ELOVL7: variants seen among roughly 807,000 people sequenced by gnomAD.
ELOVL7 encodes the protein ELOVL fatty acid elongase 7, also known as very long chain fatty acid elongase 7.
ELOVL7 carries 27 observed loss-of-function variants against 35.7 expected under a neutral mutation model. The ratio of observed to expected loss-of-function variants is 0.76; its 90% CI spans 0.56 to 1.04. The LOEUF (loss-of-function observed/expected upper bound fraction) is 1.04. Ranked by LOEUF, ELOVL7 falls within the 50% of genes least tolerant of loss-of-function variation. The pLI, the probability that ELOVL7 is intolerant of heterozygous loss-of-function variation, is 0.00. For synonymous variants in ELOVL7, 113 were observed against 114.6 expected, an observed-to-expected ratio of 0.99 and a Z score of 0.09; for missense variants, 327 against 340.8, an observed-to-expected ratio of 0.96 and a Z score of 0.32.
chr5:60,754,806 T>G lies in ELOVL7; in HGVS notation c.664A>C (p.Ile222Leu), dbSNP rs770769866. ...TCCTCCATGAAAAAGAACTGGCTTA[T>G]GTGGATGGCGACAATAACAAACTGG... ...LVQFVIVAIH[I>L]SQFFFMEDCK... Residue 222 changes from isoleucine (I) to leucine (L), a missense_variant, in exon 9 of 9, where the codon ATA (isoleucine) becomes CTA (leucine). Coordinates refer to ENST00000508821, the MANE Select transcript of ELOVL7 (RefSeq NM_024930.3). 1.2e-6 allele frequency: 2 copies of G among 1,614,016 alleles called. No homozygotes were observed. The highest frequency in any genetic ancestry group is 1.7e-5 in the Admixed American group (1 of 59,996).
rs191790491 is a variant in ELOVL7, at chr5:60,759,293, C to T, written c.500-1648G>A. On this transcript the variant is annotated intron_variant, in intron 7 of 8. Coordinates refer to ENST00000508821, the MANE Select transcript of ELOVL7 (RefSeq NM_024930.3). ...GTCAGAAGGAACTGAATTAATTAAG[C>T]GTATTAACAACTTTCCAGCTTGTAT... 6.6e-5 allele frequency among the ~76,000 whole-genome samples: 10 copies of T among 152,236 alleles called. No homozygotes were observed. The South Asian group carries it at 1.7e-3, about 25-fold the overall frequency.
At chr5:60,797,112 A>C (rs1282878929) in intron 2 of ELOVL7, among the ~76,000 whole-genome samples, 1 of 152,220 alleles carries the variant, frequency 6.6e-6, no homozygotes, top group African/African-American at 2.4e-5. Flanking sequence ...AAAGGAAGCA[A>C]ACCTAGAATG....
chr5:60,815,846 A>G (rs1416028226), intron 1 of ELOVL7, among the ~76,000 whole-genome samples: 1 of 152,340 alleles, frequency 6.6e-6, no homozygotes, highest in East Asian at 1.9e-4. Flanking sequence ...CCAAGATGGA[A>G]TAGTAGAGTT....
chr5:60,795,650 G>C (rs1290811140), intron 2 of ELOVL7, among the ~76,000 whole-genome samples: 1 of 152,174 alleles, frequency 6.6e-6, no homozygotes, highest in African/African-American at 2.4e-5. Flanking sequence ...TCGGAGACTC[G>C]CCACTGACTT....
chr5:60,784,670 A>G (rs1743461827), intron 3 of ELOVL7, among the ~76,000 whole-genome samples: 2 of 152,184 alleles, frequency 1.3e-5, no homozygotes, highest in Admixed American at 1.3e-4. Flanking sequence ...AAGTTCAGAC[A>G]TTTCCAGGGT....
intron 1 of ELOVL7, among the ~76,000 whole-genome samples, chr5:60,812,238 TTAAA>T (rs1745277443): frequency 6.6e-6 from 1 of 151,750 alleles, no homozygotes; most frequent in South Asian, 2.1e-4. Flanking sequence ...AATAAATTAA[TTAAA>T]TAAAGAAAAG....
chr5:60,757,216 T>C (rs1040701869), intron 8 of ELOVL7, among the ~76,000 whole-genome samples: 19 of 152,112 alleles, frequency 1.2e-4, no homozygotes, highest in African/African-American at 4.3e-4. Flanking sequence ...ATTATGCCTA[T>C]TGAGGGTCAC....
At chr5:60,830,370 T>TTCCCCCTTCCCAATTCCAAA (rs1163219318) in intron 1 of ELOVL7, among the ~76,000 whole-genome samples, 1 of 152,094 alleles carries the variant, frequency 6.6e-6, no homozygotes, top group East Asian at 1.9e-4. Context: ...TAATAGTAAC[T>TTCCCCCTTCCCAATTCCAAA]GGGGCAGAGG....
Position 60,754,211 on chromosome 5 carries a change from C to T in ELOVL7, c.*413G>A, listed in dbSNP as rs1291565909. On this transcript the variant is annotated 3_prime_UTR_variant, in exon 9 of 9. Transcript: ENST00000508821. Reference sequence around the variant, plus strand: ...CCAGGGCCTACAGGTGGTTTCCAGACTTTCCAGACCCAGCAGAAGGAATCT... The same window carrying T: ...CCAGGGCCTACAGGTGGTTTCCAGATTTTCCAGACCCAGCAGAAGGAATCT... 1.2e-5 allele frequency: 2 copies of T among 171,328 alleles called. No individual in the cohort carries two copies. Among genetic ancestry groups the T allele is most frequent in the African/African-American group, 4.8e-5 (2 of 41,776 alleles). The allele number at this position is 171,328 out of a possible 1,614,324, so 10.6% of individuals were successfully genotyped here.
At chr5:60,822,416 T>C (rs957685419) in intron 1 of ELOVL7, among the ~76,000 whole-genome samples, 1 of 152,204 alleles carries the variant, frequency 6.6e-6, no homozygotes, top group African/African-American at 2.4e-5. Flanking sequence ...GCAAATCAGC[T>C]ATGCAAAGGA....
intron 1 of ELOVL7, among the ~76,000 whole-genome samples, chr5:60,808,045 T>C (rs1349233304): frequency 7.1e-6 from 1 of 141,386 alleles, no homozygotes; most frequent in African/African-American, 2.6e-5. Context: ...TGGGAGACTG[T>C]AGGACCAATG....
At chr5:60,792,355 T>G (rs546586886) in intron 2 of ELOVL7, among the ~76,000 whole-genome samples, 46 of 152,312 alleles carry the variant, frequency 3.0e-4, no homozygotes, top group African/African-American at 1.1e-3. Context: ...CTTACCTTGT[T>G]GGAACTGAAC....
Position 60,810,497 on chromosome 5 carries a change from A to G in ELOVL7, c.-85-11267T>C, listed in dbSNP as rs181424058. Among the ~76,000 whole-genome samples the G allele has an allele frequency of 3.1e-3, 473 of 152,356 alleles. 2 individuals are homozygous for G. Among genetic ancestry groups the G allele is most frequent in the South Asian group, 8.1e-3 (39 of 4,834 alleles). On this transcript the variant is annotated intron_variant, in intron 1 of 8. Coordinates refer to ENST00000508821, the MANE Select transcript of ELOVL7 (RefSeq NM_024930.3). Reference sequence around the variant, plus strand: ...AACATTATTTTATTCAAAACTGATGATAGATTTGCCCATTACCTATACATG... The same window carrying G: ...AACATTATTTTATTCAAAACTGATGGTAGATTTGCCCATTACCTATACATG...
At chr5:60,774,662 T>C (rs939916180) in intron 3 of ELOVL7, among the ~76,000 whole-genome samples, 1 of 150,966 alleles carries the variant, frequency 6.6e-6, no homozygotes, top group Non-Finnish European at 1.5e-5. Context: ...GAGAAAGAAA[T>C]AAAAGGCATC....
chr5:60,831,660 ATCTTTAGCAAAACTGTTAAAGTAT>A (rs574160481), intron 1 of ELOVL7, among the ~76,000 whole-genome samples: 29 of 152,368 alleles, frequency 1.9e-4, no homozygotes, highest in Non-Finnish European at 2.9e-4. Context: ...ATATCTTTGC[ATCTTTAGCAAAACTGTTAAAGTAT>A]TATCCATAAA....
chr5:60,829,302 C>T (rs1746350256), intron 1 of ELOVL7, among the ~76,000 whole-genome samples: 2 of 152,042 alleles, frequency 1.3e-5, no homozygotes, highest in South Asian at 4.1e-4. Flanking sequence ...AAAATGTTAG[C>T]AATTGTTATT....
intron 1 of ELOVL7, among the ~76,000 whole-genome samples, chr5:60,837,327 G>GT (rs1746882795): frequency 1.3e-5 from 1 of 77,260 alleles, no homozygotes; most frequent in Admixed American, 1.2e-4. Flanking sequence ...GGGGGGGAGT[G>GT]GGGGGTGGGG....
At chr5:60,839,021 CAAAA>C (rs34113793) in intron 1 of ELOVL7, among the ~76,000 whole-genome samples, 14 of 146,214 alleles carry the variant, frequency 9.6e-5, no homozygotes, top group South Asian at 4.4e-4. Context: ...AAAACAGTGT[CAAAA>C]AAAAATATAT....
rs75113429 is a variant in ELOVL7 at position 60,826,809 on chromosome 5, C to T, written c.-86+17351G>A. 9.6e-3 allele frequency among the ~76,000 whole-genome samples: 1,456 copies of T among 152,218 alleles called. 23 individuals carry two copies. Among genetic ancestry groups the T allele is most frequent in the African/African-American group, 0.033 (1,377 of 41,540 alleles). On this transcript the variant is annotated intron_variant, in intron 1 of 8. Transcript: ENST00000508821. ...GTGGAGCACAGATGTACTCAAAAGA[C>T]TTTGGGACATTGTTTTCTCTGCTTG... is the stretch of plus-strand genomic sequence containing the variant.
Sources: gnomAD v4.1 joint callset for allele counts (sites outside exome capture counted in the v4.1 genomes callset) on GRCh38, gnomAD v4.1.1 for gene constraint, MANE v1.5 for transcripts, NCBI Gene and HGNC (gene_info 2026-07-23, HGNC 2026-07-21) for gene names.